ADCY2: variants seen among roughly 807,000 people sequenced by gnomAD.
ADCY2 encodes the protein adenylate cyclase 2.
ADCY2 carries 31 observed loss-of-function variants against 125.2 expected under a neutral mutation model. The ratio of observed to expected loss-of-function variants is 0.25; its 90% CI spans 0.19 to 0.33. The LOEUF (loss-of-function observed/expected upper bound fraction) is 0.33. Ranked by LOEUF, ADCY2 falls within the 10% of genes least tolerant of loss-of-function variation. ADCY2 has a pLI of 1.00. For missense variants in ADCY2, 904 were observed against 1,418.2 expected (o/e 0.64, Z 5.82); for synonymous variants, 512 against 548.4 (o/e 0.93, Z 0.93).
At chr5:7,558,947 G>T (rs1034818230) in intron 3 of ADCY2, among the ~76,000 whole-genome samples, 1 of 149,780 alleles carries the variant, frequency 6.7e-6, no homozygotes, top group African/African-American at 2.5e-5. Context: ...TTTCCCCATT[G>T]CTTGTTTTTG....
intron 3 of ADCY2, among the ~76,000 whole-genome samples, chr5:7,527,624 A>G (rs1201548661): frequency 6.6e-6 from 1 of 152,212 alleles, no homozygotes; most frequent in Admixed American, 6.5e-5. Flanking sequence ...TTGATTTTAT[A>G]ACAGGATTAC....
rs557730654 is a variant in ADCY2 at position 7,766,392 on chromosome 5, G to A, written c.2095-295G>A. Among the ~76,000 whole-genome samples the A allele has an allele frequency of 2.0e-5, 3 of 152,128 alleles. No individual in the cohort carries two copies. The East Asian group carries it at 5.8e-4, about 29-fold the overall frequency. On this transcript the variant is annotated intron_variant, in intron 16 of 24. Coordinates refer to ENST00000338316, the MANE Select transcript of ADCY2 (RefSeq NM_020546.3). ...TGATATTGGCTTCAAAGGTGATATC[G>A]GTTTCAAATGTAATTCTAACCACGC...
chr5:7,465,095 C>T (rs1326997135), intron 2 of ADCY2, among the ~76,000 whole-genome samples: 4 of 151,544 alleles, frequency 2.6e-5, no homozygotes, highest in African/African-American at 9.8e-5. Flanking sequence ...ATGGGGGAAC[C>T]ACCCCCATGA....
At chr5:7,411,029 C>G (rs115405454) in intron 1 of ADCY2, among the ~76,000 whole-genome samples, 1 of 152,110 alleles carries the variant, frequency 6.6e-6, no homozygotes, top group African/African-American at 2.4e-5. Context: ...ATGCAGGCAG[C>G]GAGGCCAGGG....
intron 10 of ADCY2, 28 bp from the exon 11 acceptor site, chr5:7,712,828 C>T (rs766856885): frequency 7.8e-6 from 12 of 1,539,720 alleles, no homozygotes; most frequent in African/African-American, 1.4e-5. Context: ...CATGTTTTGA[C>T]AATTAATAAC....
chr5:7,733,768 G>A (rs184436099), intron 14 of ADCY2, among the ~76,000 whole-genome samples: 97 of 152,240 alleles, frequency 6.4e-4, no homozygotes, highest in Admixed American at 9.8e-4. Context: ...ACTTTCTGGG[G>A]AATACAGTGT....
chr5:7,598,709 C>T (rs1737094975), intron 3 of ADCY2, among the ~76,000 whole-genome samples: 1 of 152,100 alleles, frequency 6.6e-6, no homozygotes, highest in South Asian at 2.1e-4. Flanking sequence ...TTCCCAGCCC[C>T]GTTGCGCTCA....
At chr5:7,599,436 G>A (rs1737122276) in intron 3 of ADCY2, among the ~76,000 whole-genome samples, 1 of 152,156 alleles carries the variant, frequency 6.6e-6, no homozygotes, top group East Asian at 1.9e-4. Flanking sequence ...TTGGGTAGTG[G>A]GAGGAGACAC....
intron 12 of ADCY2, among the ~76,000 whole-genome samples, chr5:7,720,846 G>C (rs868104218): frequency 3.9e-5 from 6 of 152,088 alleles, no homozygotes; most frequent in Non-Finnish European, 8.8e-5. Context: ...GAATAGTGCC[G>C]CAATAAACAT....
intron 2 of ADCY2, among the ~76,000 whole-genome samples, chr5:7,507,900 G>A (rs1264172450): frequency 6.6e-6 from 1 of 151,594 alleles, no homozygotes; most frequent in Admixed American, 6.6e-5. Context: ...TAACCCCTCA[G>A]TACCTTGTTT....
At chr5:7,803,930 G>A (rs943498654) in intron 21 of ADCY2, among the ~76,000 whole-genome samples, 2 of 142,984 alleles carry the variant, frequency 1.4e-5, no homozygotes, top group African/African-American at 5.6e-5. Flanking sequence ...TTATATATAT[G>A]TGTGTGTGTA....
At chr5:7,424,950 C>T (rs555403700) in intron 2 of ADCY2, among the ~76,000 whole-genome samples, 1 of 152,290 alleles carries the variant, frequency 6.6e-6, no homozygotes, top group Admixed American at 6.5e-5. Context: ...GTAGGAAAAC[C>T]TCATCAGGTG....
rs979869285 is a variant in ADCY2, at chr5:7,709,990, A to G, written c.1578+603A>G. Among the ~76,000 whole-genome samples the G allele has an allele frequency of 6.6e-6, 1 of 152,248 alleles. No individual in the cohort carries two copies. Among genetic ancestry groups the G allele is most frequent in the Non-Finnish European group, 1.5e-5 (1 of 68,042 alleles). ...CAACCAAGCACTTAGGATAATCCCC[A>G]TAGTATTTTTAGATTTTAAAACTAT... is the stretch of plus-strand genomic sequence containing the variant. On this transcript the variant is annotated intron_variant, in intron 10 of 24. Coordinates refer to ENST00000338316, the MANE Select transcript of ADCY2 (RefSeq NM_020546.3). This position sits in a 1 kb window ranked among gnomAD's most constrained non-coding sequence, Gnocchi z 4.4.
chr5:7,724,157 A>G (rs1479764150), intron 12 of ADCY2, among the ~76,000 whole-genome samples: 1 of 148,640 alleles, frequency 6.7e-6, no homozygotes, highest in East Asian at 2.0e-4. Context: ...TCTAGGAACT[A>G]GATCCTTAAG....
intron 2 of ADCY2, among the ~76,000 whole-genome samples, chr5:7,513,536 CAA>C (rs781518707): frequency 2.0e-4 from 31 of 152,176 alleles, no homozygotes; most frequent in Non-Finnish European, 4.3e-4. Flanking sequence ...TCAGTATTCT[CAA>C]AGTCATCAAT....
At chr5:7,658,399 T>TTA (rs1554029015) in intron 4 of ADCY2, among the ~76,000 whole-genome samples, 1 of 130,944 alleles carries the variant, frequency 7.6e-6, no homozygotes, top group Non-Finnish European at 1.6e-5. Flanking sequence ...GTGAAGAGAA[T>TTA]TGTGTGTGTG....
intron 2 of ADCY2, among the ~76,000 whole-genome samples, chr5:7,504,875 GTTTA>G (rs1031762914): frequency 5.9e-5 from 9 of 151,838 alleles, no homozygotes; most frequent in African/African-American, 2.2e-4. Flanking sequence ...GGAAGAGAGG[GTTTA>G]TTTATTTTTT....
chr5:7,396,853 A>G lies in ADCY2; in HGVS notation c.210+347A>G, dbSNP rs2111426849. ...GGGCACCGCTGCCCGCAGCGCTGGA[A>G]TAGGTCTTCCCCGACTCAGCCCTGG... On this transcript the variant is annotated intron_variant, in intron 1 of 24. Coordinates refer to ENST00000338316, the MANE Select transcript of ADCY2 (RefSeq NM_020546.3). This position sits in a 1 kb window ranked among gnomAD's most constrained non-coding sequence, Gnocchi z 5.7. 6.6e-6 allele frequency among the ~76,000 whole-genome samples: 1 copy of G among 152,294 alleles called. No individual in the cohort carries two copies. Among genetic ancestry groups the G allele is most frequent in the Middle Eastern group, 3.4e-3 (1 of 294 alleles).
intron 4 of ADCY2, among the ~76,000 whole-genome samples, chr5:7,642,064 T>C (rs1158762598): frequency 6.6e-6 from 1 of 152,236 alleles, no homozygotes; most frequent in Non-Finnish European, 1.5e-5. Flanking sequence ...CCAGGTGGAA[T>C]GGTAGTTCTG....
Sources: gnomAD v4.1 joint callset for allele counts (sites outside exome capture counted in the v4.1 genomes callset) on GRCh38, gnomAD v4.1.1 for gene constraint, Gnocchi (gnomAD v3.1) non-coding constraint, MANE v1.5 for transcripts, NCBI Gene and HGNC (gene_info 2026-07-23, HGNC 2026-07-21) for gene names.